Variants in CFAP95 observed in about 807,000 individuals in gnomAD.
The protein encoded by CFAP95 is cilia and flagella associated protein 95.
At chr9:69,842,874 C>A in the CFAP95 span, among the ~76,000 whole-genome samples, 4 of 152,332 alleles carry the variant, frequency 2.6e-5, no homozygotes, top group South Asian at 8.3e-4. Context: ...CCACCTTGGG[C>A]TCCCTTGCTG....
chr9:69,843,248 A>G, the CFAP95 span, among the ~76,000 whole-genome samples: 93 of 152,190 alleles, frequency 6.1e-4, no homozygotes, highest in Admixed American at 1.7e-3. Context: ...GGATGATTGA[A>G]TTCTCGGGTA....
At chr9:69,877,763 C>G in the CFAP95 span, among the ~76,000 whole-genome samples, 1 of 152,126 alleles carries the variant, frequency 6.6e-6, no homozygotes, top group African/African-American at 2.4e-5. Context: ...TCCAATTATG[C>G]TATTTGCTAA....
At chr9:69,856,598 TA>T in the CFAP95 span, 1 of 1,612,130 alleles carries the variant, frequency 6.2e-7, no homozygotes, top group South Asian at 1.1e-5. Context: ...CAAATGTGTT[TA>T]AACACAGAAT....
the CFAP95 span, among the ~76,000 whole-genome samples, chr9:69,868,573 G>A: frequency 1.5e-4 from 23 of 151,144 alleles, no homozygotes; most frequent in Non-Finnish European, 2.7e-4. Flanking sequence ...CAGGAGAATA[G>A]CTTGGAGCTG....
chr9:69,904,855 A>G, the CFAP95 span, among the ~76,000 whole-genome samples: 1 of 152,318 alleles, frequency 6.6e-6, no homozygotes, highest in African/African-American at 2.4e-5. Flanking sequence ...CTGCAATTTT[A>G]TAGTTGATAT....
At chr9:69,822,290 A>G in the CFAP95 span, among the ~76,000 whole-genome samples, 1 of 152,254 alleles carries the variant, frequency 6.6e-6, no homozygotes, top group African/African-American at 2.4e-5. Context: ...GCCCGACTTC[A>G]TCCCATTCAT....
chr9:69,883,516 T>A, the CFAP95 span, among the ~76,000 whole-genome samples: 6 of 152,162 alleles, frequency 3.9e-5, no homozygotes, highest in African/African-American at 1.2e-4. Context: ...TTGATGAAAG[T>A]GAACTTTAAA....
chr9:69,858,392 T>C, the CFAP95 span, among the ~76,000 whole-genome samples: 1 of 152,200 alleles, frequency 6.6e-6, no homozygotes, highest in African/African-American at 2.4e-5. Flanking sequence ...ATAAACGTGT[T>C]CTTTTCACAG....
chr9:69,861,022 C>T, the CFAP95 span, among the ~76,000 whole-genome samples: 129,361 of 152,182 alleles, frequency 0.85, 55,034 homozygotes, highest in Middle Eastern at 0.9. Context: ...AAGCGTAGTA[C>T]AGTAAGTGCA....
chr9:69,831,853 G>A, the CFAP95 span, among the ~76,000 whole-genome samples: 1 of 152,162 alleles, frequency 6.6e-6, no homozygotes. Flanking sequence ...TTGTGATGCA[G>A]AATGTGTGGT....
the CFAP95 span, among the ~76,000 whole-genome samples, chr9:69,837,320 T>G: frequency 2.0e-5 from 3 of 152,084 alleles, no homozygotes; most frequent in Non-Finnish European, 1.5e-5. Flanking sequence ...ACTTCCACAA[T>G]GGTTGAACTA....
chr9:69,870,899 C>T, the CFAP95 span, among the ~76,000 whole-genome samples: 1 of 151,940 alleles, frequency 6.6e-6, no homozygotes, highest in Admixed American at 6.6e-5. Flanking sequence ...GAAGGGCACC[C>T]TAGGCAGAGG....
At chr9:69,892,456 T>C in the CFAP95 span, among the ~76,000 whole-genome samples, 1 of 152,338 alleles carries the variant, frequency 6.6e-6, no homozygotes, top group African/African-American at 2.4e-5. Flanking sequence ...AGCCCTTTAT[T>C]GTTTAATGAG....
the CFAP95 span, among the ~76,000 whole-genome samples, chr9:69,867,397 T>A: frequency 6.6e-6 from 1 of 152,218 alleles, no homozygotes; most frequent in Non-Finnish European, 1.5e-5. Context: ...TCAAGTTATA[T>A]CTGCCAAGTG....
chr9:69,884,386 C>T, the CFAP95 span: 2 of 152,254 alleles, frequency 1.3e-5, no homozygotes, highest in African/African-American at 4.8e-5. Context: ...CCTCAGCTTC[C>T]TGAGTAGCTG....
At chr9:69,863,402 A>G in the CFAP95 span, among the ~76,000 whole-genome samples, 1 of 152,224 alleles carries the variant, frequency 6.6e-6, no homozygotes, top group South Asian at 2.1e-4. Context: ...TAGGAAAAGT[A>G]GATGGGAACA....
chr9:69,829,122 G>T, the CFAP95 span, among the ~76,000 whole-genome samples: 1 of 152,202 alleles, frequency 6.6e-6, no homozygotes, highest in African/African-American at 2.4e-5. Context: ...TTCTACAACG[G>T]TGGATCCTAC....
the CFAP95 span, among the ~76,000 whole-genome samples, chr9:69,837,179 C>T: frequency 1.2e-4 from 19 of 152,156 alleles, no homozygotes; most frequent in East Asian, 1.4e-3. Context: ...TGAATAATGC[C>T]GCAATAAATA....
chr9:69,837,644 T>C, the CFAP95 span, among the ~76,000 whole-genome samples: 1 of 152,250 alleles, frequency 6.6e-6, no homozygotes, highest in Non-Finnish European at 1.5e-5. Flanking sequence ...CTTTGTCAGA[T>C]GAGTAGGTTG....
Sources: gnomAD v4.1 joint callset for allele counts (sites outside exome capture counted in the v4.1 genomes callset) on GRCh38, gnomAD v4.1.1 for gene constraint, MANE v1.5 for transcripts, NCBI Gene and HGNC (gene_info 2026-07-23, HGNC 2026-07-21) for gene names.